Variants in TTC23 observed in about 807,000 individuals in gnomAD.
TTC23 encodes tetratricopeptide repeat protein 23.
In TTC23, 58 loss-of-function variants were observed where a neutral mutation model predicts 55.1. The observed-to-expected ratio is 1.05, with a 90% CI of 0.85 to 1.31. The LOEUF is 1.31. Ranked by LOEUF, TTC23 falls within the 50% of genes most tolerant of loss-of-function variation. TTC23 has a pLI of 0.00. For synonymous variants in TTC23, 203 were observed against 199.9 expected, an observed-to-expected ratio of 1.02 and a Z score of -0.13; for missense variants, 516 against 534.4, an observed-to-expected ratio of 0.97 and a Z score of 0.34.
intron 8 of TTC23, among the ~76,000 whole-genome samples, chr15:99,201,209 T>G (rs1454061847): frequency 6.6e-6 from 1 of 152,316 alleles, no homozygotes; most frequent in East Asian, 1.9e-4. Context: ...AAGGTGGCAG[T>G]GCGAAAATAT....
At chr15:99,227,910 C>T (rs981317369) in intron 5 of TTC23, among the ~76,000 whole-genome samples, 8 of 152,204 alleles carry the variant, frequency 5.3e-5, no homozygotes, top group Non-Finnish European at 1.2e-4. Context: ...TCACTGTCCA[C>T]CCCTTCGTGT....
intron 12 of TTC23, among the ~76,000 whole-genome samples, chr15:99,153,074 C>T (rs149942925): frequency 1.2e-3 from 179 of 152,352 alleles, no homozygotes; most frequent in African/African-American, 3.4e-3. Flanking sequence ...TCTAGGATTA[C>T]AGGCATGAGC....
intron 9 of TTC23, among the ~76,000 whole-genome samples, chr15:99,195,981 C>T (rs1374936657): frequency 1.3e-5 from 2 of 151,628 alleles, no homozygotes; most frequent in East Asian, 1.9e-4. Flanking sequence ...TGGTGAAACC[C>T]TGTCTCTACT....
rs79389482 is a variant in TTC23, at chr15:99,174,200, C to G, written c.865+850G>C. On this transcript the variant is annotated intron_variant, in intron 10 of 13. Transcript: ENST00000394132. ...CCCCCTTCATCAGTTCCTCTGTGGA[C>G]CGAAGCTCCCTGCCTGGCCCATGGA... Among the ~76,000 whole-genome samples, 763 of 152,216 alleles carry G rather than the reference C, an allele frequency of 5.0e-3. 8 individuals carry two copies. The highest frequency in any genetic ancestry group is 5.6e-3 in the Non-Finnish European group (380 of 68,004).
chr15:99,209,629 A>C (rs2076882324), intron 8 of TTC23, among the ~76,000 whole-genome samples: 1 of 152,234 alleles, frequency 6.6e-6, no homozygotes, highest in Non-Finnish European at 1.5e-5. Flanking sequence ...TATCCACTAC[A>C]CAGAGAGGAC....
At chr15:99,248,119 T>C (rs937226711) in intron 1 of TTC23, 2 of 152,124 alleles carry the variant, frequency 1.3e-5, no homozygotes. Context: ...TACAAAGAAG[T>C]GCATCAAAAT....
chr15:99,181,117 C>T (rs1007220714), intron 9 of TTC23, among the ~76,000 whole-genome samples: 2 of 152,194 alleles, frequency 1.3e-5, no homozygotes, highest in Non-Finnish European at 2.9e-5. Flanking sequence ...GGTTGAAGGT[C>T]ACATGGTGCG....
chr15:99,250,548 G>A (rs538674112), upstream of TTC23, among the ~76,000 whole-genome samples: 41 of 152,254 alleles, frequency 2.7e-4, no homozygotes, highest in African/African-American at 8.2e-4. Context: ...ATTTCAGAAG[G>A]AAATTTGTCA....
At chr15:99,247,112 A>G (rs2080314821) in intron 1 of TTC23, among the ~76,000 whole-genome samples, 1 of 152,234 alleles carries the variant, frequency 6.6e-6, no homozygotes, top group Non-Finnish European at 1.5e-5. Context: ...GAAAGCTGTA[A>G]TAAGATACCA....
At position 99,218,640 on chromosome 15, in the gene TTC23, T is replaced by C. The variant is rs553848267; in HGVS notation, c.529A>G (p.Ile177Val). 7 of 1,614,262 alleles carry C rather than the reference T, an allele frequency of 4.3e-6. No homozygotes were observed. In the South Asian group the frequency reaches 6.6e-5, roughly 15 times the overall value. Residue 177 changes from isoleucine to valine, a missense_variant, in exon 8 of 14, where the codon ATA becomes GTA. Coordinates refer to ENST00000394132, the MANE Select transcript of TTC23 (RefSeq NM_001288615.3). ...TCAATTTCTATCCATTCTTCCTTTATAATTCTTCCACATTGTAGCAGCTCC... is the reference window on the plus strand; with the variant it reads ...TCAATTTCTATCCATTCTTCCTTTACAATTCTTCCACATTGTAGCAGCTCC... ...SKELLQCGRI[I>V]KEEWIEIEAR...
chr15:99,227,213 T>C lies in TTC23; in HGVS notation c.180+1320A>G, dbSNP rs574662063. 5.3e-5 allele frequency among the ~76,000 whole-genome samples: 8 copies of C among 152,318 alleles called. No homozygotes were observed. The East Asian group carries it at 1.5e-3, about 29-fold the overall frequency. Reference sequence around the variant, plus strand: ...GGTCTTTCTCCTGTATTTGTTATACTGATGAAGGTCATGGACAAGTCTCCA... The same window carrying C: ...GGTCTTTCTCCTGTATTTGTTATACCGATGAAGGTCATGGACAAGTCTCCA... On this transcript the variant is annotated intron_variant, in intron 5 of 13. Transcript: ENST00000394132.
At position 99,156,207 on chromosome 15, in the gene TTC23, G is replaced by A; in HGVS notation, c.1084C>T (p.Leu362=). 2 of 1,614,230 alleles carry A rather than the reference G, an allele frequency of 1.2e-6. No homozygotes were observed. Among genetic ancestry groups the A allele is most frequent in the East Asian group, 4.5e-5 (2 of 44,878 alleles). ...CCCTGCGCCAGGTCTGCTCCTCCCA[G>A]GAGCCGGTATGTCTCTGCCACCTCG... ...SPEVAETYRL[L]GGADLAQGNH... is the part of the protein sequence containing the mutation. The change falls in exon 12 of 14, where the codon CTG becomes TTG. Residue 362 remains leucine, a synonymous_variant. Transcript: ENST00000394132.
At chr15:99,227,241 C>G (rs2078526333) in intron 5 of TTC23, among the ~76,000 whole-genome samples, 1 of 152,200 alleles carries the variant, frequency 6.6e-6, no homozygotes, top group Non-Finnish European at 1.5e-5. Context: ...AGTCTCCAAT[C>G]ACCCAAGCAG....
intron 8 of TTC23, among the ~76,000 whole-genome samples, chr15:99,208,763 C>T (rs929416015): frequency 8.5e-5 from 13 of 152,190 alleles, no homozygotes; most frequent in African/African-American, 1.9e-4. Flanking sequence ...GAGAGTACTA[C>T]ATCAAGAAAT....
intron 8 of TTC23, 131 bp downstream of exon 8, chr15:99,218,457 A>T: frequency 8.4e-7 from 1 of 1,189,502 alleles, no homozygotes; most frequent in Non-Finnish European, 1.2e-6. Flanking sequence ...TTCCTCTTTT[A>T]CTTTTACACA....
intron 12 of TTC23, 108 bp from the exon 13 acceptor site, chr15:99,139,507 T>C: frequency 6.4e-7 from 1 of 1,561,410 alleles, no homozygotes; most frequent in Non-Finnish European, 8.7e-7. Context: ...TAGGCCCTGC[T>C]GTGATGGAAT....
chr15:99,199,438 A>T (rs1369473343), intron 9 of TTC23, among the ~76,000 whole-genome samples: 1 of 147,562 alleles, frequency 6.8e-6, no homozygotes, highest in Non-Finnish European at 1.5e-5. Context: ...TCTAAAACAA[A>T]AAAACCAAAG....
intron 4 of TTC23, 126 bp from the exon 5 acceptor site, chr15:99,228,858 G>C: frequency 1.3e-6 from 1 of 743,452 alleles, no homozygotes; most frequent in Non-Finnish European, 2.1e-6. Context: ...AAAAGATTAT[G>C]GTGGCTACTA....
chr15:99,196,530 G>C (rs914053593), intron 9 of TTC23, among the ~76,000 whole-genome samples: 3 of 152,096 alleles, frequency 2.0e-5, no homozygotes, highest in Non-Finnish European at 2.9e-5. Context: ...GCCACACAGC[G>C]ACCTAGGCCA....
Sources: gnomAD v4.1 joint callset for allele counts (sites outside exome capture counted in the v4.1 genomes callset) on GRCh38, gnomAD v4.1.1 for gene constraint, MANE v1.5 for transcripts, NCBI Gene and HGNC (gene_info 2026-07-23, HGNC 2026-07-21) for gene names.